The following NAALADL2 variants were observed in gnomAD, a reference collection of about 807,000 sequenced individuals.
NAALADL2 encodes the protein N-acetylated alpha-linked acidic dipeptidase like 2, also known as inactive N-acetylated-alpha-linked acidic dipeptidase-like protein 2.
NAALADL2 carries 76 observed loss-of-function variants against 87.2 expected under a neutral mutation model. The observed-to-expected ratio is 0.87, with a 90% CI of 0.72 to 1.05. The LOEUF (loss-of-function observed/expected upper bound fraction) is 1.05, where lower values mean the gene tolerates loss of function less well. NAALADL2 is among the 50% of genes least tolerant of loss of function. NAALADL2 has a pLI of 0.00. For missense variants in NAALADL2, 1,089 were observed against 945.8 expected (o/e 1.15, Z -1.99); for synonymous variants, 354 against 331.0 (o/e 1.07, Z -0.75).
chr3:174,774,794 A>G (rs1715011994), intron 3 of NAALADL2, among the ~76,000 whole-genome samples: 1 of 152,214 alleles, frequency 6.6e-6, no homozygotes, highest in South Asian at 2.1e-4. Flanking sequence ...AAAGTAATAG[A>G]AATGTAAACT....
chr3:175,233,534 C>G (rs1055624760), intron 2 of NAALADL2, among the ~76,000 whole-genome samples: 10 of 152,226 alleles, frequency 6.6e-5, no homozygotes, highest in African/African-American at 2.4e-4. Context: ...CTCCGACTCC[C>G]AGGCTCAAGT....
At chr3:175,056,891 C>CTT (rs1712313195) in intron 1 of NAALADL2, among the ~76,000 whole-genome samples, 1 of 152,174 alleles carries the variant, frequency 6.6e-6, no homozygotes, top group Non-Finnish European at 1.5e-5. Context: ...GCCCTCATTC[C>CTT]GGTAAACCCA....
rs543382011 is a variant in NAALADL2 at position 175,260,609 on chromosome 3, C to T, written c.939+4079C>T. Among the ~76,000 whole-genome samples the T allele has an allele frequency of 2.6e-5, 4 of 152,164 alleles. No individual in the cohort carries two copies. In the South Asian group the frequency reaches 8.3e-4, roughly 32 times the overall value. ...CAGCTGGGTTGAAAAAGGCAGAAAACCAACAGACTTCTTTATGAATCAACA... is the reference window on the plus strand; with the variant it reads ...CAGCTGGGTTGAAAAAGGCAGAAAATCAACAGACTTCTTTATGAATCAACA... On this transcript the variant is annotated intron_variant, in intron 4 of 13. Transcript: ENST00000454872.
intron 2 of NAALADL2, among the ~76,000 whole-genome samples, chr3:175,194,689 C>T (rs1738715511): frequency 6.6e-6 from 1 of 151,726 alleles, no homozygotes; most frequent in Non-Finnish European, 1.5e-5. Context: ...AAATTAATGG[C>T]ATTAATAATT....
intron 1 of NAALADL2, among the ~76,000 whole-genome samples, chr3:174,898,141 A>AAAAG: frequency 7.5e-6 from 1 of 132,548 alleles, no homozygotes; most frequent in Non-Finnish European, 1.5e-5. Flanking sequence ...AAAAAAAAAA[A>AAAAG]AAGAAAAAAA....
chr3:175,802,419 T>C (rs946600663), intron 13 of NAALADL2, among the ~76,000 whole-genome samples: 7 of 152,030 alleles, frequency 4.6e-5, no homozygotes, highest in African/African-American at 1.7e-4. Context: ...GCTACTGATA[T>C]CTAGTGTGTG....
chr3:174,966,539 T>C (rs1161959937), intron 1 of NAALADL2, among the ~76,000 whole-genome samples: 2 of 152,036 alleles, frequency 1.3e-5, no homozygotes, highest in African/African-American at 4.8e-5. Context: ...TCTCTTGACT[T>C]CGATGTAAGG....
At chr3:174,861,135 A>G (rs546024591) in intron 1 of NAALADL2, among the ~76,000 whole-genome samples, 32 of 152,020 alleles carry the variant, frequency 2.1e-4, no homozygotes, top group Admixed American at 5.3e-4. Flanking sequence ...TCAATAAAAT[A>G]TTTATTCTCT....
intron 1 of NAALADL2, among the ~76,000 whole-genome samples, chr3:174,531,413 CATT>C (rs1288465452): frequency 5.9e-5 from 9 of 152,096 alleles, no homozygotes; most frequent in Non-Finnish European, 1.2e-4. Flanking sequence ...TGTGCATCAT[CATT>C]ATCATCAGCA....
intron 3 of NAALADL2, among the ~76,000 whole-genome samples, chr3:174,839,837 AAT>A (rs1443800084): frequency 3.2e-4 from 48 of 150,844 alleles, no homozygotes; most frequent in African/African-American, 1.1e-3. Context: ...ATAAAAAAAA[AAT>A]AATAAAAAAA....
At chr3:174,451,061 A>G (rs1457258669) in intron 1 of NAALADL2, among the ~76,000 whole-genome samples, 1 of 152,132 alleles carries the variant, frequency 6.6e-6, no homozygotes, top group Non-Finnish European at 1.5e-5. Context: ...GATCTTGGAC[A>G]TTTTTAAGAG....
chr3:174,701,659 A>T (rs916608197), intron 2 of NAALADL2, among the ~76,000 whole-genome samples: 1 of 139,248 alleles, frequency 7.2e-6, no homozygotes, highest in African/African-American at 2.7e-5. Context: ...TTTACTATTG[A>T]TTAGTTCTGT....
intron 2 of NAALADL2, among the ~76,000 whole-genome samples, chr3:174,571,775 A>G (rs1467353835): frequency 6.6e-6 from 1 of 152,168 alleles, no homozygotes; most frequent in African/African-American, 2.4e-5. Flanking sequence ...AAAACACTTT[A>G]TATGTTTTAT....
At chr3:174,635,192 G>A (rs142486378) in intron 2 of NAALADL2, among the ~76,000 whole-genome samples, 1 of 152,210 alleles carries the variant, frequency 6.6e-6, no homozygotes, top group Non-Finnish European at 1.5e-5. Flanking sequence ...TCTTCATTTT[G>A]AACATCAGGT....
intron 1 of NAALADL2, among the ~76,000 whole-genome samples, chr3:175,024,412 A>G (rs1751958293): frequency 6.6e-6 from 1 of 152,240 alleles, no homozygotes; most frequent in East Asian, 1.9e-4. Context: ...ACTGAAATGC[A>G]AAAAGGGCAA....
At chr3:174,607,268 A>T (rs936265367) in intron 2 of NAALADL2, among the ~76,000 whole-genome samples, 1 of 152,114 alleles carries the variant, frequency 6.6e-6, no homozygotes, top group African/African-American at 2.4e-5. Context: ...CTAACAAGCA[A>T]ATCAACCAGC....
chr3:175,585,560 T>A (rs1041233969), intron 10 of NAALADL2, among the ~76,000 whole-genome samples: 14 of 152,212 alleles, frequency 9.2e-5, no homozygotes, highest in Admixed American at 4.6e-4. Context: ...CTAATGTTAA[T>A]GTTTCCTTGT....
chr3:174,921,817 AAAAAGAAAAAG>A (rs1170204701), intron 1 of NAALADL2, among the ~76,000 whole-genome samples: 1 of 85,056 alleles, frequency 1.2e-5, no homozygotes, highest in Admixed American at 1.3e-4. Context: ...AAAAAAAAAA[AAAAAGAAAAAG>A]AAAAAGAAAA....
At chr3:174,662,794 G>A (rs150978474) in intron 2 of NAALADL2, among the ~76,000 whole-genome samples, 1 of 152,134 alleles carries the variant, frequency 6.6e-6, no homozygotes, top group East Asian at 1.9e-4. Flanking sequence ...GGCTATGTTG[G>A]GTATGCTCTG....
Sources: allele counts gnomAD v4.1 joint callset (sites outside exome capture counted in the v4.1 genomes callset), GRCh38; gene constraint gnomAD v4.1.1; transcripts MANE v1.5; gene names NCBI Gene and HGNC (gene_info 2026-07-23, HGNC 2026-07-21).